Variants in FRMD4A observed in about 807,000 individuals in gnomAD.
FRMD4A encodes the protein FERM domain containing 4A.
Under a neutral mutation model 129.1 loss-of-function variants are expected in FRMD4A, and 29 were observed. The observed-to-expected ratio is 0.22, with a 90% CI of 0.17 to 0.31. FRMD4A has a LOEUF of 0.31. FRMD4A is among the 10% of genes least tolerant of loss of function. The pLI is 1.00. For synonymous variants in FRMD4A, 634 were observed against 571.6 expected, an observed-to-expected ratio of 1.11 and a Z score of -1.56; for missense variants, 1,272 against 1,375.8, an observed-to-expected ratio of 0.92 and a Z score of 1.19.
At chr10:14,065,753 G>T (rs1365674198) in intron 2 of FRMD4A, among the ~76,000 whole-genome samples, 1 of 152,134 alleles carries the variant, frequency 6.6e-6, no homozygotes, top group African/African-American at 2.4e-5. Flanking sequence ...AAACAAAGAA[G>T]CCCCACTCTC....
intron 2 of FRMD4A, among the ~76,000 whole-genome samples, chr10:14,318,330 T>C (rs1206633292): frequency 4.8e-4 from 44 of 91,342 alleles, no homozygotes; most frequent in South Asian, 1.1e-3. Flanking sequence ...CCCCCCCACC[T>C]TTTTTTTTTT....
At chr10:13,837,314 C>T (rs1405509792) in intron 3 of FRMD4A, among the ~76,000 whole-genome samples, 1 of 152,216 alleles carries the variant, frequency 6.6e-6, no homozygotes, top group Non-Finnish European at 1.5e-5. Context: ...AAAGAAACTT[C>T]TCCCAAAGCC....
chr10:14,002,265 G>T (rs996472615), intron 2 of FRMD4A, among the ~76,000 whole-genome samples: 1 of 152,158 alleles, frequency 6.6e-6, no homozygotes, highest in South Asian at 2.1e-4. Flanking sequence ...CATCAGATTT[G>T]TACTACTTTG....
At chr10:14,044,740 C>A (rs187611029) in intron 2 of FRMD4A, among the ~76,000 whole-genome samples, 2 of 152,302 alleles carry the variant, frequency 1.3e-5, no homozygotes, top group East Asian at 3.9e-4. Flanking sequence ...TTTAAGCCAG[C>A]CAGTTTGTGA....
intron 2 of FRMD4A, among the ~76,000 whole-genome samples, chr10:13,975,076 C>T (rs1444611135): frequency 1.3e-5 from 2 of 150,226 alleles, no homozygotes; most frequent in South Asian, 4.2e-4. Context: ...TATGTGTGTC[C>T]ATGTGTGCCT....
At chr10:13,781,383 TTTTTTTTTTTC>T (rs1257629532) in intron 6 of FRMD4A, among the ~76,000 whole-genome samples, 6 of 118,482 alleles carry the variant, frequency 5.1e-5, no homozygotes, top group African/African-American at 3.0e-4. Context: ...TTTTTTTTTT[TTTTTTTTTTTC>T]TGAGACAGAG....
At position 13,733,678 on chromosome 10, in the gene FRMD4A, C is replaced by T. The variant is rs183420741; in HGVS notation, c.759+4166G>A. On this transcript the variant is annotated intron_variant, in intron 12 of 24. Transcript: ENST00000357447. ...CTGACCTCAGGTGATCTGTCCGCCT[C>T]GGCCTCCCAAAGTGCTGGGATTACA... is the stretch of plus-strand genomic sequence containing the variant. Among the ~76,000 whole-genome samples the T allele has an allele frequency of 8.9e-4, 136 of 152,340 alleles. No individual in the cohort carries two copies. In the East Asian group the frequency reaches 0.019, roughly 21 times the overall value.
chr10:14,042,277 G>A (rs1833808667), intron 2 of FRMD4A, among the ~76,000 whole-genome samples: 1 of 152,108 alleles, frequency 6.6e-6, no homozygotes. Flanking sequence ...ACCTTTCTCA[G>A]TATTCCACAA....
intron 2 of FRMD4A, among the ~76,000 whole-genome samples, chr10:14,145,651 T>C (rs1840039206): frequency 6.6e-6 from 1 of 152,222 alleles, no homozygotes; most frequent in African/African-American, 2.4e-5. Flanking sequence ...TGACTGTTAC[T>C]GGATATAGAA....
At chr10:13,726,893 C>T (rs137924812) in intron 12 of FRMD4A, among the ~76,000 whole-genome samples, 134 of 151,846 alleles carry the variant, frequency 8.8e-4, no homozygotes, top group Middle Eastern at 6.8e-3. Flanking sequence ...CTAGCCTGGC[C>T]GTTAGTTTGC....
chr10:13,902,564 G>C (rs2094833634), intron 2 of FRMD4A, among the ~76,000 whole-genome samples: 2 of 151,600 alleles, frequency 1.3e-5, no homozygotes. Context: ...CCTGGGCTGG[G>C]CACAGTGGCT....
chr10:14,136,126 C>T (rs1393460264), intron 2 of FRMD4A, among the ~76,000 whole-genome samples: 1 of 152,064 alleles, frequency 6.6e-6, no homozygotes, highest in Non-Finnish European at 1.5e-5. Context: ...ATGCATTTTA[C>T]AGGAATGAGA....
intron 15 of FRMD4A, chr10:13,685,485 G>A (rs1454350161): frequency 1.1e-5 from 11 of 984,786 alleles, no homozygotes; most frequent in Non-Finnish European, 1.3e-5. Flanking sequence ...GTGAAATGAG[G>A]GAGCTGACCT....
At position 13,801,272 on chromosome 10, in the gene FRMD4A, CA is replaced by C. The variant is rs546854127; in HGVS notation, c.207-4685del. 1.0e-4 allele frequency among the ~76,000 whole-genome samples: 15 copies of C among 147,328 alleles called. No homozygotes were observed. The South Asian group carries it at 1.3e-3, about 13-fold the overall frequency. ...CTGACAACAGAGTGGGGCCCTGTCTCAAAAAAAAAATGGTCAGGAAGCAAAG... is the reference window on the plus strand; with the variant it reads ...CTGACAACAGAGTGGGGCCCTGTCTCAAAAAAAAATGGTCAGGAAGCAAAG... On this transcript the variant is annotated intron_variant, in intron 4 of 24. Coordinates refer to ENST00000357447, the MANE Select transcript of FRMD4A (RefSeq NM_018027.5).
At chr10:13,742,030 T>C (rs944511727) in intron 9 of FRMD4A, among the ~76,000 whole-genome samples, 2 of 152,186 alleles carry the variant, frequency 1.3e-5, no homozygotes, top group Non-Finnish European at 2.9e-5. Flanking sequence ...CTAATTTTTG[T>C]ATTTTTAGTA....
At chr10:13,879,349 A>T (rs1357563208) in intron 2 of FRMD4A, among the ~76,000 whole-genome samples, 1 of 152,084 alleles carries the variant, frequency 6.6e-6, no homozygotes, top group Non-Finnish European at 1.5e-5. Flanking sequence ...AAACAAAAAA[A>T]ATCTTTTAAA....
At chr10:13,820,924 C>G (rs1350018201) in intron 3 of FRMD4A, among the ~76,000 whole-genome samples, 1 of 152,238 alleles carries the variant, frequency 6.6e-6, no homozygotes, top group Admixed American at 6.5e-5. Flanking sequence ...CTGCCCCCAT[C>G]TCTCTGGACA....
chr10:13,684,566 TTTCAGCCTCA>T, intron 15 of FRMD4A: 2 of 985,502 alleles, frequency 2.0e-6, no homozygotes, highest in Admixed American at 6.1e-5. Context: ...GGACAGCCTC[TTTCAGCCTCA>T]TTCAGCCGCG....
chr10:13,728,969 A>G (rs1416773138), intron 12 of FRMD4A, among the ~76,000 whole-genome samples: 2 of 152,292 alleles, frequency 1.3e-5, no homozygotes, highest in South Asian at 4.1e-4. Flanking sequence ...TCTAGGATTG[A>G]TGCTTTGAGA....
Sources: gnomAD v4.1 joint callset for allele counts (sites outside exome capture counted in the v4.1 genomes callset) on GRCh38, gnomAD v4.1.1 for gene constraint, MANE v1.5 for transcripts, NCBI Gene and HGNC (gene_info 2026-07-23, HGNC 2026-07-21) for gene names.